Variants in BCL2L1 observed in about 807,000 individuals in gnomAD.
The protein encoded by BCL2L1 is BCL2 like 1, also known as bcl-2-like protein 1.
Under a neutral mutation model 18.7 loss-of-function variants are expected in BCL2L1, and 1 was observed. The observed-to-expected ratio is 0.05, with a 90% CI of 0.02 to 0.25. The LOEUF is 0.25. Ranked by LOEUF, BCL2L1 falls within the 10% of genes least tolerant of loss-of-function variation. The pLI is 1.00. For synonymous variants in BCL2L1, 103 were observed against 122.7 expected (o/e 0.84, Z 1.06); for missense variants, 207 against 304.9 (o/e 0.68, Z 2.39).
At chr20:31,723,659 C>T, upstream of BCL2L1, 1 of 985,562 alleles carries the variant, frequency 1.0e-6, no homozygotes, top group Non-Finnish European at 1.2e-6. Context: ...GCGAGCCCAG[C>T]CGGCACGGAA....
chr20:31,705,134 A>C (rs796932021), intron 2 of BCL2L1, among the ~76,000 whole-genome samples: 4 of 152,252 alleles, frequency 2.6e-5, no homozygotes, highest in African/African-American at 9.6e-5. Context: ...TTTACCACTT[A>C]CTCGCTGTGC....
rs2060575662 is a variant in BCL2L1 at position 31,665,670 on chromosome 20, C to G, written c.*279G>C. 2.0e-6 allele frequency: 1 copy of G among 488,386 alleles called. No individual in the cohort carries two copies. The highest frequency in any genetic ancestry group is 3.6e-5 in the Admixed American group (1 of 27,552). 30.3% of individuals were successfully genotyped at this position (488,386 alleles called of 1,614,324 possible). A position where few individuals can be genotyped will look rare whatever the true frequency, so the allele number is the denominator to read the frequency against. ...CAATCAGGTAGGGCCCTCCTGCCCCCAGCCACAAACCCTTCCATACCTGCC... is the reference window on the plus strand; with the variant it reads ...CAATCAGGTAGGGCCCTCCTGCCCCGAGCCACAAACCCTTCCATACCTGCC... On this transcript the variant is annotated 3_prime_UTR_variant, in exon 3 of 3. Transcript: ENST00000307677.
intron 2 of BCL2L1, among the ~76,000 whole-genome samples, chr20:31,677,464 G>A (rs143345821): frequency 2.2e-4 from 33 of 152,240 alleles, no homozygotes; most frequent in African/African-American, 5.5e-4. Flanking sequence ...GATTACAGGC[G>A]TCAGCCACTG....
chr20:31,668,126 G>A (rs992911430), intron 2 of BCL2L1, among the ~76,000 whole-genome samples: 21 of 151,814 alleles, frequency 1.4e-4, no homozygotes, highest in African/African-American at 4.6e-4. Flanking sequence ...GTCTCCTGCC[G>A]CAGGAGTCTG....
At position 31,722,337 on chromosome 20, in the gene BCL2L1, G is replaced by C; in HGVS notation, c.-119C>G. ...CCAAAGCCAAGATAAGATTCTGAAGGGAGAGAAAGAGCTTCAGGAAAAAAA... is the reference window on the plus strand; with the variant it reads ...CCAAAGCCAAGATAAGATTCTGAAGCGAGAGAAAGAGCTTCAGGAAAAAAA... On this transcript the variant is annotated 5_prime_UTR_variant, in exon 2 of 3. Coordinates refer to ENST00000307677, the MANE Select transcript of BCL2L1 (RefSeq NM_138578.3). 1.3e-6 allele frequency: 1 copy of C among 741,872 alleles called. No individual in the cohort carries two copies. The highest frequency in any genetic ancestry group is 2.0e-6 in the Non-Finnish European group (1 of 512,362). 46.0% of individuals were successfully genotyped at this position (741,872 alleles called of 1,614,324 possible).
Position 31,686,312 on chromosome 20 carries a change from A to G in BCL2L1, c.565-20226T>C, listed in dbSNP as rs189542180. 3 of 152,346 alleles carry G rather than the reference A, an allele frequency of 2.0e-5. No homozygotes were observed. In the East Asian group the frequency reaches 5.8e-4, roughly 29 times the overall value. 9.4% of individuals were successfully genotyped at this position (152,346 alleles called of 1,614,324 possible). The stretch of plus-strand genomic sequence containing the variant: ...TGACTGCAGAGCCTGTGTTCTTCCC[A>G]GTAGAGATGTGGATGCAGCACAAAT... On this transcript the variant is annotated intron_variant, in intron 2 of 2. Transcript: ENST00000307677.
chr20:31,701,662 T>C (rs562002403), intron 2 of BCL2L1, among the ~76,000 whole-genome samples: 3 of 152,352 alleles, frequency 2.0e-5, no homozygotes, highest in East Asian at 3.9e-4. Flanking sequence ...TAAAAAATGA[T>C]GTTCCAAACA....
At chr20:31,691,446 G>C (rs951060560) in intron 2 of BCL2L1, among the ~76,000 whole-genome samples, 4 of 149,100 alleles carry the variant, frequency 2.7e-5, no homozygotes, top group Admixed American at 2.7e-4. Flanking sequence ...CCTGGGAGGC[G>C]GAGGTTGCAA....
At chr20:31,667,455 CAA>C (rs375761825) in intron 2 of BCL2L1, among the ~76,000 whole-genome samples, 2 of 109,648 alleles carry the variant, frequency 1.8e-5, no homozygotes, top group Non-Finnish European at 3.7e-5. Context: ...AGACTCCGTT[CAA>C]AAAAAAAAAA....
intron 2 of BCL2L1, among the ~76,000 whole-genome samples, chr20:31,697,892 G>GTTTTTTTTTTTTGTTTTTTTTTT (rs1555871507): frequency 1.5e-5 from 2 of 129,640 alleles, no homozygotes; most frequent in African/African-American, 6.6e-5. Context: ...TGCTGTTGCT[G>GTTTTTTTTTTTTGTTTTTTTTTT]TTTTTTTTTT....
chr20:31,679,496 T>A (rs1357007808), intron 2 of BCL2L1, among the ~76,000 whole-genome samples: 4 of 152,316 alleles, frequency 2.6e-5, no homozygotes, highest in African/African-American at 9.6e-5. Flanking sequence ...GTTCTGTGAC[T>A]ACCTGGTTGC....
chr20:31,686,793 G>C (rs982984071), intron 2 of BCL2L1, among the ~76,000 whole-genome samples: 1 of 152,072 alleles, frequency 6.6e-6, no homozygotes, highest in Non-Finnish European at 1.5e-5. Context: ...TTACCTTCCA[G>C]AAAGGGCCTC....
At chr20:31,715,774 T>C (rs1055688351) in intron 2 of BCL2L1, among the ~76,000 whole-genome samples, 5 of 152,164 alleles carry the variant, frequency 3.3e-5, no homozygotes, top group Non-Finnish European at 7.3e-5. Flanking sequence ...TCTACACTAG[T>C]AAAGGTATCT....
intron 2 of BCL2L1, among the ~76,000 whole-genome samples, chr20:31,697,412 T>C (rs117882290): frequency 0.052 from 7,980 of 152,020 alleles, 266 homozygotes; most frequent in Middle Eastern, 0.11. Context: ...ATGCTGGCAG[T>C]TTGCTGTGTA....
At chr20:31,687,719 C>T (rs140580116) in intron 2 of BCL2L1, among the ~76,000 whole-genome samples, 3 of 151,868 alleles carry the variant, frequency 2.0e-5, no homozygotes, top group South Asian at 4.2e-4. Context: ...ACTCTTTCCC[C>T]GGGAGGGAGG....
chr20:31,677,265 T>G (rs2060780209), intron 2 of BCL2L1, among the ~76,000 whole-genome samples: 1 of 149,658 alleles, frequency 6.7e-6, no homozygotes, highest in Non-Finnish European at 1.5e-5. Flanking sequence ...CACTGCAACC[T>G]CTGCCTCCCA....
At chr20:31,715,682 G>T (rs1270071951) in intron 2 of BCL2L1, among the ~76,000 whole-genome samples, 1 of 152,066 alleles carries the variant, frequency 6.6e-6, no homozygotes, top group Non-Finnish European at 1.5e-5. Context: ...ATTTTGAACT[G>T]GTTATTCTGA....
intron 2 of BCL2L1, chr20:31,720,984 C>A: frequency 1.0e-6 from 1 of 985,396 alleles, no homozygotes; most frequent in Non-Finnish European, 1.2e-6. Flanking sequence ...ACAAACAAGG[C>A]AACCATGCAG....
chr20:31,706,130 G>A lies in BCL2L1; in HGVS notation c.564+15525C>T, dbSNP rs374465530. ...GGGTAGAACAAGAGGCAGTTGTTCT[G>A]GATCAGAGATAAGCATGGGGTGAGA... On this transcript the variant is annotated intron_variant, in intron 2 of 2. Transcript: ENST00000307677. Among the ~76,000 whole-genome samples the A allele has an allele frequency of 5.2e-4, 79 of 152,228 alleles. 1 individual carries two copies. Among genetic ancestry groups the A allele is most frequent in the East Asian group, 3.5e-3 (18 of 5,188 alleles).
Sources: allele counts gnomAD v4.1 joint callset (sites outside exome capture counted in the v4.1 genomes callset), GRCh38; gene constraint gnomAD v4.1.1; transcripts MANE v1.5; gene names NCBI Gene and HGNC (gene_info 2026-07-23, HGNC 2026-07-21).